IFT140: variants seen among roughly 807,000 people sequenced by gnomAD.
IFT140 encodes the protein intraflagellar transport protein 140 homolog.
A neutral mutation model predicts 164.6 loss-of-function variants in IFT140; 133 were observed. That is an observed-to-expected ratio of 0.81 (90% CI 0.70 to 0.93). IFT140 has a LOEUF of 0.93. Among genes scored for constraint, IFT140 ranks in the 40% least tolerant of loss-of-function variants. The pLI is 0.00. For missense variants in IFT140, 2,045 were observed against 1,972.3 expected, an observed-to-expected ratio of 1.04 and a Z score of -0.70; for synonymous variants, 860 against 817.3, an observed-to-expected ratio of 1.05 and a Z score of -0.89.
At chr16:1,565,901 C>T (rs1596375670) in intron 16 of IFT140, among the ~76,000 whole-genome samples, 1 of 152,220 alleles carries the variant, frequency 6.6e-6, no homozygotes. Flanking sequence ...TGGGCCACTT[C>T]TACAGATTCC....
In IFT140 at chr16:1,562,172, T is replaced by G. The variant is rs2033449260; in HGVS notation, c.2068-56A>C. The G allele has an allele frequency of 2.0e-6, 3 of 1,486,018 alleles. No homozygotes were observed. In the East Asian group the frequency reaches 7.2e-5, roughly 36 times the overall value. 92.1% of individuals were successfully genotyped at this position (1,486,018 alleles called of 1,614,324 possible). A position where few individuals can be genotyped will look rare whatever the true frequency, so the allele number is the denominator to read the frequency against. ...TTTTTTTTTAACTTACATAAATTTC[T>G]GGGGTATGAGTGCCATTTTGCTACA... On this transcript the variant is annotated intron_variant, in intron 17 of 30. Coordinates refer to ENST00000426508, the MANE Select transcript of IFT140 (RefSeq NM_014714.4).
chr16:1,583,200 G>T, intron 12 of IFT140, 114 bp downstream of exon 12: 2 of 909,362 alleles, frequency 2.2e-6, no homozygotes, highest in Non-Finnish European at 3.6e-6. Context: ...TAGCACAAGG[G>T]TCTCCCCAGC....
Position 1,523,634 on chromosome 16 carries a change from T to C in IFT140, c.3337A>G (p.Ile1113Val). The stretch of plus-strand genomic sequence containing the variant: ...GACGTCTCATCCAGGTCCTCTGCTA[T>C]GAGCTGTAGGGCCACAAACTGCTGG... ...ATQQFVALQL[I>V]AEDLDETSDP... The change falls in exon 26 of 31, where the codon ATA (isoleucine) becomes GTA (valine). Residue 1113 changes from isoleucine to valine, a missense_variant. Ile to Val is a conservative substitution (Grantham distance 29). Coordinates refer to ENST00000426508, the MANE Select transcript of IFT140 (RefSeq NM_014714.4). 6.2e-7 allele frequency: 1 copy of C among 1,613,980 alleles called. No individual in the cohort carries two copies. Among genetic ancestry groups the C allele is most frequent in the Non-Finnish European group, 8.5e-7 (1 of 1,180,010 alleles).
chr16:1,560,187 C>G (rs983954450), intron 18 of IFT140, among the ~76,000 whole-genome samples: 4 of 152,188 alleles, frequency 2.6e-5, no homozygotes, highest in Non-Finnish European at 5.9e-5. Context: ...ATTAAGGAAA[C>G]ATGCATTGAC....
intron 5 of IFT140, 72 bp from the exon 6 acceptor site, chr16:1,592,390 T>C: frequency 6.2e-7 from 1 of 1,611,298 alleles, no homozygotes; most frequent in South Asian, 1.1e-5. Context: ...GGGCCCCTCC[T>C]GGGTCAGGAG....
chr16:1,518,228 C>G lies in IFT140; in HGVS notation c.4170G>C (p.Glu1390Asp). ...GFLVEHYVRK[E>D]EYQTAYRFLE... Reference sequence around the variant, plus strand: ...ACTCAGGCCTCACCGTCTGGTATTCCTCCTTCCGCACGTAGTGCTCCACCA... The same window carrying G: ...ACTCAGGCCTCACCGTCTGGTATTCGTCCTTCCGCACGTAGTGCTCCACCA... Residue 1390 changes from glutamate to aspartate, a missense_variant, in exon 30 of 31, where the codon GAG becomes GAC. Physicochemically the swap from Glu to Asp is conservative, Grantham distance 45. Transcript: ENST00000426508. 3.7e-6 allele frequency: 6 copies of G among 1,613,490 alleles called. No individual in the cohort carries two copies. The highest frequency in any genetic ancestry group is 5.1e-6 in the Non-Finnish European group (6 of 1,179,912).
Position 1,553,188 on chromosome 16 carries a change from C to G in IFT140, c.2399+4747G>C, listed in dbSNP as rs914425056. ...TACCCATCTCTTGCTCTCTGTCTCT[C>G]CTTCCCTGTGTCTCTGTCTCTGTCT... is the stretch of plus-strand genomic sequence containing the variant. On this transcript the variant is annotated intron_variant, in intron 19 of 30. Transcript: ENST00000426508. The surrounding 1 kb of genome is among the most constrained non-coding windows in gnomAD (Gnocchi z 4.4). The G allele has an allele frequency of 6.2e-5, 61 of 984,706 alleles. No individual in the cohort carries two copies. In the African/African-American group the frequency reaches 1.1e-3, roughly 17 times the overall value. 61.0% of individuals were successfully genotyped at this position (984,706 alleles called of 1,614,324 possible). A position where few individuals can be genotyped will look rare whatever the true frequency, so the allele number is the denominator to read the frequency against.
At chr16:1,589,835 T>C in intron 6 of IFT140, 55 bp from the exon 7 acceptor site, 1 of 1,479,958 alleles carries the variant, frequency 6.8e-7, no homozygotes, top group Non-Finnish European at 9.4e-7. Flanking sequence ...TCTGCTTCCA[T>C]GACCCTCACC....
intron 30 of IFT140, among the ~76,000 whole-genome samples, chr16:1,517,307 G>A (rs1356817793): frequency 4.0e-5 from 6 of 149,322 alleles, no homozygotes; most frequent in African/African-American, 9.9e-5. Context: ...CCGAGATCGC[G>A]CCACTGCGCT....
In IFT140 at chr16:1,520,280, T is replaced by C. The variant is rs755460299; in HGVS notation, c.3724A>G (p.Arg1242Gly). 2 of 1,614,222 alleles carry C rather than the reference T, an allele frequency of 1.2e-6. No homozygotes were observed. The highest frequency in any genetic ancestry group is 2.2e-5 in the South Asian group (2 of 91,090). The change falls in exon 28 of 31, where the codon AGG becomes GGG. Residue 1242 changes from arginine (R) to glycine (G), a missense_variant. Physicochemically the swap from Arg to Gly is moderately radical, Grantham distance 125 (BLOSUM62 -2). Transcript: ENST00000426508. Reference sequence around the variant, plus strand: ...GCCATGATGTAGATTTCCTTCTGCCTGGACACGCTCGCGAAGAACGTGATT... The same window carrying C: ...GCCATGATGTAGATTTCCTTCTGCCCGGACACGCTCGCGAAGAACGTGATT... ...EKITFFASVS[R>G]QKEIYIMAAN...
chr16:1,582,415 C>T (rs1258186132), intron 12 of IFT140, among the ~76,000 whole-genome samples: 1 of 152,212 alleles, frequency 6.6e-6, no homozygotes, highest in Non-Finnish European at 1.5e-5. Flanking sequence ...TCCCCTGGGG[C>T]TGCAGAGGAA....
At chr16:1,595,270 G>A (rs1012829843) in intron 4 of IFT140, among the ~76,000 whole-genome samples, 34 of 151,944 alleles carry the variant, frequency 2.2e-4, no homozygotes, top group Admixed American at 1.8e-3. Context: ...GGGTGACAGA[G>A]TGAGACTTCG....
intron 24 of IFT140, 88 bp from the exon 25 acceptor site, chr16:1,524,044 C>A: frequency 6.6e-7 from 1 of 1,504,314 alleles, no homozygotes; most frequent in South Asian, 1.3e-5. Context: ...GGTGCGAACC[C>A]GCCCCTTCAC....
At position 1,592,659 on chromosome 16, in the gene IFT140, T is replaced by TACTGGTGGAGGGACAGGTGTCCC. The variant is rs2035243500; in HGVS notation, c.370-72_370-71insGGGACACCTGTCCCTCCACCAGT. Reference sequence around the variant, plus strand: ...GCGACTGGTGGAGGGACAGGTGTCCTGGCAGAGCGACTGGTGGTGGGACAG... The same window carrying TACTGGTGGAGGGACAGGTGTCCC: ...GCGACTGGTGGAGGGACAGGTGTCCTACTGGTGGAGGGACAGGTGTCCCGGCAGAGCGACTGGTGGTGGGACAG... On this transcript the variant is annotated intron_variant, in intron 4 of 30. Transcript: ENST00000426508. The TACTGGTGGAGGGACAGGTGTCCC allele has an allele frequency of 3.7e-6, 5 of 1,366,706 alleles. No homozygotes were observed. The African/African-American group carries it at 7.1e-5, about 19-fold the overall frequency. 84.7% of individuals were successfully genotyped at this position (1,366,706 alleles called of 1,614,324 possible).
chr16:1,548,220 G>A (rs1488788394), intron 19 of IFT140, among the ~76,000 whole-genome samples: 3 of 152,228 alleles, frequency 2.0e-5, no homozygotes, highest in African/African-American at 4.8e-5. Context: ...GCTCCGCATA[G>A]ATTCTCTTTA....
intron 2 of IFT140, among the ~76,000 whole-genome samples, chr16:1,607,626 G>A (rs1161555887): frequency 1.3e-5 from 2 of 152,194 alleles, no homozygotes; most frequent in East Asian, 3.8e-4. Context: ...GTCACAATAA[G>A]GACAAGTTCT....
chr16:1,536,214 C>G (rs2031055734), intron 19 of IFT140, among the ~76,000 whole-genome samples: 2 of 152,250 alleles, frequency 1.3e-5, no homozygotes, highest in African/African-American at 4.8e-5. Flanking sequence ...AGCTGGAAGC[C>G]TTGGCGCCCC....
rs1415972049 is a variant in IFT140 at position 1,554,141 on chromosome 16, T to C, written c.2399+3794A>G. Reference sequence around the variant, plus strand: ...CGGAAGTGAGGGAAGACACCAGATATAGCCAAGGAGCCCTAGACAAGGCCC... The same window carrying C: ...CGGAAGTGAGGGAAGACACCAGATACAGCCAAGGAGCCCTAGACAAGGCCC... On this transcript the variant is annotated intron_variant, in intron 19 of 30. Coordinates refer to ENST00000426508, the MANE Select transcript of IFT140 (RefSeq NM_014714.4). The C allele has an allele frequency of 1.3e-5, 17 of 1,286,620 alleles. No individual in the cohort carries two copies. In the East Asian group the frequency reaches 1.7e-4, roughly 13 times the overall value. 79.7% of individuals were successfully genotyped at this position (1,286,620 alleles called of 1,614,324 possible). A position where few individuals can be genotyped will look rare whatever the true frequency, so the allele number is the denominator to read the frequency against.
At chr16:1,569,487 C>T (rs9927529) in intron 14 of IFT140, among the ~76,000 whole-genome samples, 56,287 of 142,302 alleles carry the variant, frequency 0.4, 11,922 homozygotes, top group African/African-American at 0.55. Flanking sequence ...CCTTCTTTCC[C>T]TCCTCCCTCC....
Sources: allele counts gnomAD v4.1 joint callset (sites outside exome capture counted in the v4.1 genomes callset), GRCh38; gene constraint gnomAD v4.1.1; non-coding constraint Gnocchi (gnomAD v3.1); transcripts MANE v1.5; gene names NCBI Gene and HGNC (gene_info 2026-07-23, HGNC 2026-07-21).